Variants in ZKSCAN1 observed in about 807,000 individuals in gnomAD.
ZKSCAN1 encodes zinc finger protein with KRAB and SCAN domains 1.
A neutral mutation model predicts 51.6 loss-of-function variants in ZKSCAN1; 14 were observed. The ratio of observed to expected loss-of-function variants is 0.27; its 90% confidence interval spans 0.18 to 0.42. The LOEUF is 0.42. ZKSCAN1 is among the 10% of genes least tolerant of loss of function. ZKSCAN1 has a pLI of 1.00. For missense variants in ZKSCAN1, 531 were observed against 710.0 expected (o/e 0.75, Z 2.86); for synonymous variants, 263 against 261.5 (o/e 1.01, Z -0.06).
intron 3 of ZKSCAN1, among the ~76,000 whole-genome samples, chr7:100,025,116 T>C (rs1734771025): frequency 6.6e-6 from 1 of 151,920 alleles, no homozygotes; most frequent in South Asian, 2.1e-4. Flanking sequence ...TATTGAATTA[T>C]CAGCATTCCA....
chr7:100,038,406 A>G lies in ZKSCAN1; in HGVS notation c.*4209A>G, dbSNP rs890022258. 3.7e-5 allele frequency: 36 copies of G among 985,340 alleles called. No individual in the cohort carries two copies. Among genetic ancestry groups the G allele is most frequent in the Non-Finnish European group, 3.9e-5 (32 of 829,944 alleles). 61.0% of individuals were successfully genotyped at this position (985,340 alleles called of 1,614,324 possible). On this transcript the variant is annotated 3_prime_UTR_variant, in exon 6 of 6. Coordinates refer to ENST00000324306, the MANE Select transcript of ZKSCAN1 (RefSeq NM_003439.4). ...AGCTTCATAGTTTGGTGCTTATCACATCAAGAGATTGGTAAATTTCTGAGG... is the reference window on the plus strand; with the variant it reads ...AGCTTCATAGTTTGGTGCTTATCACGTCAAGAGATTGGTAAATTTCTGAGG...
At chr7:100,023,015 T>C (rs1335917726) in intron 1 of ZKSCAN1, among the ~76,000 whole-genome samples, 3 of 142,488 alleles carry the variant, frequency 2.1e-5, no homozygotes, top group African/African-American at 7.6e-5. Context: ...TTTGTCAGGA[T>C]TTTTTTTTTT....
chr7:100,023,002 C>T (rs1790653559), intron 1 of ZKSCAN1, among the ~76,000 whole-genome samples: 1 of 151,876 alleles, frequency 6.6e-6, no homozygotes, highest in Admixed American at 6.6e-5. Context: ...GTTTTTTCCT[C>T]GATTTGTCAG....
intron 1 of ZKSCAN1, among the ~76,000 whole-genome samples, chr7:100,022,607 A>G (rs1329700903): frequency 6.6e-6 from 1 of 152,242 alleles, no homozygotes; most frequent in Non-Finnish European, 1.5e-5. Flanking sequence ...TAAAAATAGC[A>G]AAAGTAGCTG....
Position 100,023,899 on chromosome 7 carries a change from A to C in ZKSCAN1, c.393A>C (p.Leu131=). The C allele has an allele frequency of 6.2e-7, 1 of 1,603,222 alleles. No individual in the cohort carries two copies. The highest frequency in any genetic ancestry group is 8.5e-7 in the Non-Finnish European group (1 of 1,176,948). Residue 131 remains leucine, a synonymous_variant, in exon 2 of 6, where the codon CTA becomes CTC. Coordinates refer to ENST00000324306, the MANE Select transcript of ZKSCAN1 (RefSeq NM_003439.4). ...PDSGEEAVTL[L]EDLELDLSGQ... is the part of the protein sequence containing the mutation. Reference sequence around the variant, plus strand: ...GTGGAGAGGAGGCCGTGACCCTTCTAGAAGACTTGGAGCTTGATTTATCAG... The same window carrying C: ...GTGGAGAGGAGGCCGTGACCCTTCTCGAAGACTTGGAGCTTGATTTATCAG...
At chr7:100,025,963 A>G (rs1377521434) in intron 3 of ZKSCAN1, among the ~76,000 whole-genome samples, 2 of 152,014 alleles carry the variant, frequency 1.3e-5, no homozygotes, top group South Asian at 2.1e-4. Context: ...GCTCACACCT[A>G]TAATCCCAGC....
intron 1 of ZKSCAN1, among the ~76,000 whole-genome samples, chr7:100,019,699 GTTC>G (rs552705609): frequency 5.9e-5 from 9 of 151,902 alleles, no homozygotes; most frequent in African/African-American, 1.7e-4. Context: ...GTATATCTCA[GTTC>G]TTCTTTTGTT....
Position 100,034,195 on chromosome 7 carries a change from T to C in ZKSCAN1, c.1690T>C (p.Ter564GlnextTer34). ...AFGAFLKSCV[*>Q] ...TGGCGCGTTCCTGAAAAGTTGTGTG[T>C]AAAGGAAGAATTTGCCATCAAGCCA... Residue 564 changes from the stop codon to glutamine, a stop_lost, in exon 6 of 6, where the codon TAA becomes CAA. Transcript: ENST00000324306. 6.6e-7 allele frequency: 1 copy of C among 1,504,150 alleles called. No homozygotes were observed. The highest frequency in any genetic ancestry group is 8.8e-7 in the Non-Finnish European group (1 of 1,134,624). The allele number at this position is 1,504,150 out of a possible 1,614,324, so 93.2% of individuals were successfully genotyped here.
intron 3 of ZKSCAN1, 46 bp downstream of exon 3, chr7:100,024,353 G>A (rs770683521): frequency 4.4e-6 from 7 of 1,600,972 alleles, no homozygotes; most frequent in Admixed American, 3.4e-5. Flanking sequence ...GATTCAGGAC[G>A]AGAGTCTTTG....
intron 1 of ZKSCAN1, among the ~76,000 whole-genome samples, chr7:100,021,116 C>CTTTTTTTTT (rs60632908): frequency 7.4e-4 from 63 of 85,314 alleles, no homozygotes; most frequent in East Asian, 1.3e-3. Context: ...TTTTTTTTTC[C>CTTTTTTTTT]TTTTTTTTTT....
chr7:100,040,423 T>C lies in ZKSCAN1; in HGVS notation c.*6226T>C, dbSNP rs991174114. On this transcript the variant is annotated 3_prime_UTR_variant, in exon 6 of 6. Coordinates refer to ENST00000324306, the MANE Select transcript of ZKSCAN1 (RefSeq NM_003439.4). ...CAGTAAAGTGAATACGTTTTTAAAATGGAATTTTCTCCCTTCAGCAAGCAC... is the reference window on the plus strand; with the variant it reads ...CAGTAAAGTGAATACGTTTTTAAAACGGAATTTTCTCCCTTCAGCAAGCAC... 19 of 985,366 alleles carry C rather than the reference T, an allele frequency of 1.9e-5. No individual in the cohort carries two copies. The African/African-American group carries it at 3.0e-4, about 15-fold the overall frequency. 61.0% of individuals were successfully genotyped at this position (985,366 alleles called of 1,614,324 possible). A position where few individuals can be genotyped will look rare whatever the true frequency, so the allele number is the denominator to read the frequency against.
intron 5 of ZKSCAN1, among the ~76,000 whole-genome samples, chr7:100,032,924 C>T (rs1397035219): frequency 2.6e-5 from 4 of 151,858 alleles, no homozygotes; most frequent in African/African-American, 7.3e-5. Flanking sequence ...AGGAGAATGG[C>T]GTCAACCTGG....
chr7:100,030,276 G>T lies in ZKSCAN1; in HGVS notation c.700G>T (p.Val234Leu), dbSNP rs758095821. The part of the protein sequence containing the change: ...QAMVKIEDMA[V>L]SLILEEWGCQ... Reference sequence around the variant, plus strand: ...AATGGTGAAGATCGAGGACATGGCTGTGTCCCTCATTCTGGAGGAATGGGG... The same window carrying T: ...AATGGTGAAGATCGAGGACATGGCTTTGTCCCTCATTCTGGAGGAATGGGG... Residue 234 changes from valine to leucine, a missense_variant, in exon 5 of 6, where the codon GTG (valine) becomes TTG (leucine). Physicochemically the swap from Val to Leu is conservative, Grantham distance 32. Transcript: ENST00000324306. 6.2e-7 allele frequency: 1 copy of T among 1,614,162 alleles called. No homozygotes were observed. The highest frequency in any genetic ancestry group is 1.1e-5 in the South Asian group (1 of 91,080).
intron 3 of ZKSCAN1, among the ~76,000 whole-genome samples, chr7:100,029,492 A>G (rs1791007659): frequency 6.6e-6 from 1 of 152,242 alleles, no homozygotes; most frequent in Middle Eastern, 3.4e-3. Context: ...GCCAGACTTG[A>G]GCTATGGGCT....
At chr7:100,015,917 G>A (rs779384546) in intron 1 of ZKSCAN1, among the ~76,000 whole-genome samples, 191 bp downstream of exon 1, 1 of 152,128 alleles carries the variant, frequency 6.6e-6, no homozygotes, top group Admixed American at 6.5e-5. Context: ...AGACGTCCCC[G>A]CCCCACCCCC....
chr7:100,037,639 A>C lies in ZKSCAN1; in HGVS notation c.*3442A>C. The C allele has an allele frequency of 5.1e-6, 5 of 985,484 alleles. No homozygotes were observed. Among genetic ancestry groups the C allele is most frequent in the Non-Finnish European group, 6.0e-6 (5 of 829,940 alleles). The allele number at this position is 985,484 out of a possible 1,614,324, so 61.0% of individuals were successfully genotyped here. ...AATATTATATGTGAGGAAAACTTTCATGTATAGCACTCATTGCTTCAGACA... is the reference window on the plus strand; with the variant it reads ...AATATTATATGTGAGGAAAACTTTCCTGTATAGCACTCATTGCTTCAGACA... On this transcript the variant is annotated 3_prime_UTR_variant, in exon 6 of 6. Transcript: ENST00000324306.
chr7:100,039,635 C>T lies in ZKSCAN1; in HGVS notation c.*5438C>T, dbSNP rs1181661436. The stretch of plus-strand genomic sequence containing the variant: ...TGCTGATCTGCTTATCCAAAGCCAG[C>T]TAACCAGGTTCATCCTACCATCCTC... On this transcript the variant is annotated 3_prime_UTR_variant, in exon 6 of 6. Transcript: ENST00000324306. 1 of 985,302 alleles carries T rather than the reference C, an allele frequency of 1.0e-6. No homozygotes were observed. The highest frequency in any genetic ancestry group is 1.2e-6 in the Non-Finnish European group (1 of 829,936). 61.0% of individuals were successfully genotyped at this position (985,302 alleles called of 1,614,324 possible). A position where few individuals can be genotyped will look rare whatever the true frequency, so the allele number is the denominator to read the frequency against.
In ZKSCAN1 at chr7:100,034,085, C is replaced by T; in HGVS notation, c.1580C>T (p.Thr527Ile). The T allele has an allele frequency of 6.2e-7, 1 of 1,612,210 alleles. No homozygotes were observed. Among genetic ancestry groups the T allele is most frequent in the Non-Finnish European group, 8.5e-7 (1 of 1,179,334 alleles). Residue 527 changes from threonine to isoleucine, a missense_variant, in exon 6 of 6, where the codon ACC (threonine) becomes ATC (isoleucine). This residue lies in a region of ZKSCAN1 where 128 missense variants were observed against 219.5 expected (regional missense o/e 0.58). Coordinates refer to ENST00000324306, the MANE Select transcript of ZKSCAN1 (RefSeq NM_003439.4). ...TGCACTAAGTGTGGCAAGGCCTTCA[C>T]CCGCAGCTCCACCCTCACTCTGCAT... ...YKCTKCGKAF[T>I]RSSTLTLHHR...
At position 100,033,446 on chromosome 7, in the gene ZKSCAN1, G is replaced by C. The variant is rs1562827768; in HGVS notation, c.941G>C (p.Arg314Thr). 1 of 1,613,956 alleles carries C rather than the reference G, an allele frequency of 6.2e-7. No homozygotes were observed. The highest frequency in any genetic ancestry group is 8.5e-7 in the Non-Finnish European group (1 of 1,179,992). Residue 314 changes from arginine (R) to threonine (T), a missense_variant, in exon 6 of 6, where the codon AGA (arginine) becomes ACA (threonine). Physicochemically the swap from Arg to Thr is moderately conservative, Grantham distance 71 (BLOSUM62 -1). Coordinates refer to ENST00000324306, the MANE Select transcript of ZKSCAN1 (RefSeq NM_003439.4). This position sits in a 1 kb window ranked among gnomAD's most constrained non-coding sequence, Gnocchi z 4.1. ...GACCAGGAGGGCAAAACAGGAGAAA[G>C]ACAGCAGAAAAACCCTGAGGAGAAA... ...KRDQEGKTGE[R>T]QQKNPEEKTR...
Sources: gnomAD v4.1 joint callset for allele counts (sites outside exome capture counted in the v4.1 genomes callset) on GRCh38, gnomAD v4.1.1 for gene constraint, gnomAD v4.1.1 regional missense constraint, Gnocchi (gnomAD v3.1) non-coding constraint, MANE v1.5 for transcripts, NCBI Gene and HGNC (gene_info 2026-07-23, HGNC 2026-07-21) for gene names.